The following BTBD9 variants were observed in gnomAD, a reference collection of about 807,000 sequenced individuals.
The protein encoded by BTBD9 is BTB domain containing 9, also known as BTB/POZ domain-containing protein 9.
Under a neutral mutation model 64.3 loss-of-function variants are expected in BTBD9, and 49 were observed. The ratio of observed to expected loss-of-function variants is 0.76; its 90% CI spans 0.61 to 0.97. BTBD9 has a LOEUF of 0.97. Among genes scored for constraint, BTBD9 ranks in the 50% least tolerant of loss-of-function variants. The probability of loss-of-function intolerance (pLI) is 0.00; values close to 1 mark genes in which losing one functional copy is unlikely to be tolerated. For synonymous variants in BTBD9, 260 were observed against 274.7 expected, an observed-to-expected ratio of 0.95 and a Z score of 0.53; for missense variants, 598 against 762.1, an observed-to-expected ratio of 0.78 and a Z score of 2.53.
rs34641170 is a variant in BTBD9 at position 38,238,470 on chromosome 6, G to GTTTTTTT, written c.1562+17938_1562+17939insAAAAAAA. ...ACAGTAAGCTGTTGCGGAGACCAAG[G>GTTTTTTT]TTTTTTGTTTTTTTTTTTTTGAGAC... On this transcript the variant is annotated intron_variant, in intron 9 of 10. Coordinates refer to ENST00000481247, the MANE Select transcript of BTBD9 (RefSeq NM_001099272.2). Among the ~76,000 whole-genome samples the GTTTTTTT allele has an allele frequency of 1.8e-4, 23 of 128,004 alleles. 2 individuals carry two copies. The highest frequency in any genetic ancestry group is 3.4e-4 in the African/African-American group (11 of 32,428). 84.0% of individuals were successfully genotyped at this position (128,004 alleles called of 152,430 possible).
chr6:38,355,088 A>C (rs1166621172), intron 6 of BTBD9, among the ~76,000 whole-genome samples: 1 of 152,226 alleles, frequency 6.6e-6, no homozygotes, highest in Admixed American at 6.5e-5. Flanking sequence ...AAGGATTACT[A>C]ATTTCAGCAC....
intron 7 of BTBD9, among the ~76,000 whole-genome samples, chr6:38,331,064 ATATC>A (rs1763655956): frequency 1.3e-5 from 2 of 152,262 alleles, no homozygotes; most frequent in Non-Finnish European, 2.9e-5. Context: ...AAAATTAAAA[ATATC>A]TATGCAAAAA....
chr6:38,398,536 G>A (rs1324921624), intron 6 of BTBD9, among the ~76,000 whole-genome samples: 3 of 152,186 alleles, frequency 2.0e-5, no homozygotes, highest in African/African-American at 7.2e-5. Context: ...GTCACAGCCT[G>A]ATTATTCTGC....
At chr6:38,331,111 AGGG>A (rs1763657880) in intron 7 of BTBD9, among the ~76,000 whole-genome samples, 2 of 152,274 alleles carry the variant, frequency 1.3e-5, no homozygotes, top group African/African-American at 2.4e-5. Context: ...GGTAACTAAC[AGGG>A]TGAGAGAAGA....
At chr6:38,578,413 A>T (rs1776148047) in intron 5 of BTBD9, among the ~76,000 whole-genome samples, 1 of 152,210 alleles carries the variant, frequency 6.6e-6, no homozygotes, top group East Asian at 1.9e-4. Flanking sequence ...TGCAGGTCCC[A>T]TCCTGAACAA....
chr6:38,385,550 T>TAAG (rs1766120606), intron 6 of BTBD9, among the ~76,000 whole-genome samples: 1 of 152,156 alleles, frequency 6.6e-6, no homozygotes, highest in Non-Finnish European at 1.5e-5. Context: ...GTATATTTAT[T>TAAG]ATTGCAAGAG....
intron 6 of BTBD9, among the ~76,000 whole-genome samples, chr6:38,526,151 C>T (rs1773478616): frequency 6.6e-6 from 1 of 152,248 alleles, no homozygotes; most frequent in East Asian, 1.9e-4. Context: ...CAGGGCCCTG[C>T]TGCTCTGTGC....
intron 6 of BTBD9, among the ~76,000 whole-genome samples, chr6:38,396,277 A>C (rs1766668104): frequency 6.6e-6 from 1 of 152,228 alleles, no homozygotes; most frequent in Non-Finnish European, 1.5e-5. Flanking sequence ...GAACAGAAGA[A>C]AGATAAAACC....
At chr6:38,297,569 GT>G (rs1329470385) in intron 7 of BTBD9, among the ~76,000 whole-genome samples, 1 of 152,070 alleles carries the variant, frequency 6.6e-6, no homozygotes, top group Non-Finnish European at 1.5e-5. Context: ...TAAAGTCTAT[GT>G]TGTCTGATGT....
At chr6:38,415,601 C>A (rs918609095) in intron 6 of BTBD9, among the ~76,000 whole-genome samples, 1 of 152,192 alleles carries the variant, frequency 6.6e-6, no homozygotes, top group Non-Finnish European at 1.5e-5. Flanking sequence ...GAAACTAATA[C>A]AGCACCCAAG....
intron 2 of BTBD9, among the ~76,000 whole-genome samples, chr6:38,597,615 A>G (rs2144328): frequency 0.59 from 89,664 of 152,000 alleles, 26,531 homozygotes; most frequent in Non-Finnish European, 0.62. Flanking sequence ...GGGAGGAGAC[A>G]GTGAGGGCAA....
At chr6:38,242,295 C>T (rs993250107) in intron 9 of BTBD9, among the ~76,000 whole-genome samples, 1 of 152,162 alleles carries the variant, frequency 6.6e-6, no homozygotes, top group African/African-American at 2.4e-5. Flanking sequence ...CTAACTCCAT[C>T]CCATACTCTG....
chr6:38,282,437 T>G (rs1432396056), intron 8 of BTBD9, among the ~76,000 whole-genome samples: 2 of 152,222 alleles, frequency 1.3e-5, no homozygotes, highest in Non-Finnish European at 2.9e-5. Context: ...GGACACCTCC[T>G]GCTGTTTCTT....
chr6:38,502,345 T>C (rs896578782), intron 6 of BTBD9, among the ~76,000 whole-genome samples: 1 of 152,264 alleles, frequency 6.6e-6, no homozygotes, highest in African/African-American at 2.4e-5. Flanking sequence ...TTCCATGGTG[T>C]ATTCTCTTCA....
chr6:38,467,873 A>G (rs1273360235), intron 6 of BTBD9, among the ~76,000 whole-genome samples: 1 of 152,110 alleles, frequency 6.6e-6, no homozygotes, highest in African/African-American at 2.4e-5. Context: ...TCAAATCTGA[A>G]CTTTCTTTCA....
At chr6:38,583,513 A>G (rs967117590) in intron 4 of BTBD9, among the ~76,000 whole-genome samples, 1 of 152,158 alleles carries the variant, frequency 6.6e-6, no homozygotes, top group East Asian at 1.9e-4. Flanking sequence ...AATAAAAAAT[A>G]AAAAAACTAG....
intron 5 of BTBD9, among the ~76,000 whole-genome samples, chr6:38,578,354 C>T (rs771448270): frequency 3.3e-5 from 5 of 152,164 alleles, no homozygotes; most frequent in African/African-American, 7.2e-5. Context: ...CTGGCAGTAA[C>T]GAAAACAGCC....
Position 38,174,897 on chromosome 6 carries a change from G to C in BTBD9, c.*88C>G. The stretch of plus-strand genomic sequence containing the variant: ...CTCCCTGGAAAGGGGCAGAGGTGGG[G>C]GCAGTCAACAGAGACCCCTGCTCAG... On this transcript the variant is annotated 3_prime_UTR_variant, in exon 11 of 11. Transcript: ENST00000481247. The C allele has an allele frequency of 6.8e-7, 1 of 1,480,618 alleles. No individual in the cohort carries two copies. The highest frequency in any genetic ancestry group is 9.2e-7 in the Non-Finnish European group (1 of 1,084,184). 91.7% of individuals were successfully genotyped at this position (1,480,618 alleles called of 1,614,324 possible).
In BTBD9 at chr6:38,253,114, AAAC is replaced by A. The variant is rs376665071; in HGVS notation, c.1562+3292_1562+3294del. ...GAGCGACAGAGTGAGACTCTGTCTC[AAAC>A]AACAACAACAACAACAACAACAACA... On this transcript the variant is annotated intron_variant, in intron 9 of 10. Coordinates refer to ENST00000481247, the MANE Select transcript of BTBD9 (RefSeq NM_001099272.2). Among the ~76,000 whole-genome samples the A allele has an allele frequency of 1.9e-4, 29 of 151,134 alleles. No homozygotes were observed. In the South Asian group the frequency reaches 2.3e-3, roughly 12 times the overall value.
Sources: gnomAD v4.1 joint callset for allele counts (sites outside exome capture counted in the v4.1 genomes callset) on GRCh38, gnomAD v4.1.1 for gene constraint, MANE v1.5 for transcripts, NCBI Gene and HGNC (gene_info 2026-07-23, HGNC 2026-07-21) for gene names.